The following LRRTM4 variants were observed in gnomAD, a reference collection of about 807,000 sequenced individuals.
LRRTM4 encodes the protein leucine-rich repeat transmembrane neuronal protein 4.
In LRRTM4, 25 loss-of-function variants were observed where a neutral mutation model predicts 47.6. The observed-to-expected ratio is 0.53, with a 90% CI of 0.38 to 0.73. The LOEUF (loss-of-function observed/expected upper bound fraction) is 0.73. Among genes scored for constraint, LRRTM4 ranks in the 30% least tolerant of loss-of-function variants. LRRTM4 has a pLI of 0.00. For missense variants in LRRTM4, 638 were observed against 713.4 expected, an observed-to-expected ratio of 0.89 and a Z score of 1.20; for synonymous variants, 311 against 269.5, an observed-to-expected ratio of 1.15 and a Z score of -1.51.
chr2:76,775,914 C>A (rs142101196), intron 3 of LRRTM4, among the ~76,000 whole-genome samples: 1 of 151,170 alleles, frequency 6.6e-6, no homozygotes, highest in South Asian at 2.1e-4. Flanking sequence ...CGCCTCCCCC[C>A]ACCCCACAAC....
intron 3 of LRRTM4, among the ~76,000 whole-genome samples, chr2:77,079,700 G>A (rs959835340): frequency 6.6e-6 from 1 of 152,030 alleles, no homozygotes; most frequent in African/African-American, 2.4e-5. Flanking sequence ...TCTGATTCCT[G>A]ATCTTCCTGT....
At chr2:77,391,941 C>A (rs1314927977) in intron 3 of LRRTM4, among the ~76,000 whole-genome samples, 1 of 151,958 alleles carries the variant, frequency 6.6e-6, no homozygotes, top group Non-Finnish European at 1.5e-5. Flanking sequence ...ATAACAGACC[C>A]TAAAAAGAGA....
At chr2:77,454,553 G>T (rs905626138) in intron 3 of LRRTM4, among the ~76,000 whole-genome samples, 4 of 152,040 alleles carry the variant, frequency 2.6e-5, no homozygotes, top group African/African-American at 9.6e-5. Context: ...ACAGACTCAG[G>T]TTTAGCGTAA....
At chr2:77,170,636 A>G (rs966391023) in intron 3 of LRRTM4, among the ~76,000 whole-genome samples, 4 of 152,204 alleles carry the variant, frequency 2.6e-5, no homozygotes, top group African/African-American at 7.2e-5. Flanking sequence ...AAGAGAGTTT[A>G]AAGTTATTTC....
At chr2:77,165,377 A>T (rs1455756241) in intron 3 of LRRTM4, among the ~76,000 whole-genome samples, 1 of 152,198 alleles carries the variant, frequency 6.6e-6, no homozygotes, top group Non-Finnish European at 1.5e-5. Context: ...AAATTCTACC[A>T]GAGGTACAAA....
chr2:77,357,735 A>G (rs1248947026), intron 3 of LRRTM4, among the ~76,000 whole-genome samples: 2 of 152,310 alleles, frequency 1.3e-5, no homozygotes, highest in African/African-American at 4.8e-5. Flanking sequence ...ATGACTTTAT[A>G]TATTTTTTAA....
intron 3 of LRRTM4, among the ~76,000 whole-genome samples, chr2:76,920,881 T>C (rs982164357): frequency 6.6e-6 from 1 of 151,992 alleles, no homozygotes; most frequent in Non-Finnish European, 1.5e-5. Context: ...TCTGTTTTCT[T>C]CAATTTAAAC....
chr2:76,894,928 AT>A (rs1673364865), intron 3 of LRRTM4, among the ~76,000 whole-genome samples: 1 of 151,646 alleles, frequency 6.6e-6, no homozygotes, highest in African/African-American at 2.4e-5. Context: ...CTCATTAATA[AT>A]TTATGCATTA....
Position 77,207,372 on chromosome 2 carries a change from T to TACACACACACAC in LRRTM4, c.1551+310945_1551+310946insGTGTGTGTGTGT, listed in dbSNP as rs66858623. 2.3e-5 allele frequency among the ~76,000 whole-genome samples: 3 copies of TACACACACACAC among 131,110 alleles called. No individual in the cohort carries two copies. The East Asian group carries it at 8.1e-4, about 35-fold the overall frequency. The allele number at this position is 131,110 out of a possible 152,430, so 86.0% of individuals were successfully genotyped here. On this transcript the variant is annotated intron_variant, in intron 3 of 3. Transcript: ENST00000409884. ...GTGTATATATATATATATATATATA[T>TACACACACACAC]ACACACACACATATTTATATACACA...
intron 3 of LRRTM4, among the ~76,000 whole-genome samples, chr2:76,878,122 T>G (rs948719674): frequency 1.3e-5 from 2 of 152,216 alleles, no homozygotes; most frequent in African/African-American, 4.8e-5. Flanking sequence ...AATTTTTCAT[T>G]GTTATTATAT....
intron 3 of LRRTM4, among the ~76,000 whole-genome samples, chr2:77,069,664 C>G (rs1016213711): frequency 6.6e-6 from 1 of 152,014 alleles, no homozygotes; most frequent in Non-Finnish European, 1.5e-5. Flanking sequence ...TTGCCTTAGC[C>G]TTTCCTTCCT....
chr2:77,396,336 G>C (rs1673703029), intron 3 of LRRTM4, among the ~76,000 whole-genome samples: 1 of 151,630 alleles, frequency 6.6e-6, no homozygotes, highest in Admixed American at 6.6e-5. Context: ...TCCCCTCAAG[G>C]CATTCATCAT....
At chr2:77,485,305 G>T (rs1677867014) in intron 3 of LRRTM4, among the ~76,000 whole-genome samples, 1 of 152,042 alleles carries the variant, frequency 6.6e-6, no homozygotes. Flanking sequence ...AACATGAGAA[G>T]GCATCACAAA....
chr2:77,394,959 G>A (rs1260204247), intron 3 of LRRTM4, among the ~76,000 whole-genome samples: 1 of 151,888 alleles, frequency 6.6e-6, no homozygotes, highest in African/African-American at 2.4e-5. Context: ...AGCTCAAGTT[G>A]TCTTAATTTG....
chr2:77,393,243 A>G (rs1673574044), intron 3 of LRRTM4, among the ~76,000 whole-genome samples: 1 of 152,044 alleles, frequency 6.6e-6, no homozygotes. Context: ...ACAAAAACAC[A>G]TGGTTATATT....
chr2:76,936,665 A>G (rs1340482008), intron 3 of LRRTM4, among the ~76,000 whole-genome samples: 1 of 151,418 alleles, frequency 6.6e-6, no homozygotes, highest in Non-Finnish European at 1.5e-5. Flanking sequence ...TCATTCAAAG[A>G]TCCACCTGGC....
Position 77,077,233 on chromosome 2 carries a change from T to C in LRRTM4, c.1552-328317A>G, listed in dbSNP as rs373446388. Among the ~76,000 whole-genome samples the C allele has an allele frequency of 1.1e-4, 16 of 152,290 alleles. No individual in the cohort carries two copies. In the East Asian group the frequency reaches 2.5e-3, roughly 24 times the overall value. On this transcript the variant is annotated intron_variant, in intron 3 of 3. Coordinates refer to ENST00000409884, the MANE Select transcript of LRRTM4 (RefSeq NM_001134745.3). ...ATCATTTTATCACTTAAAACAGAAGTATCAGTAAATTGTGCCATAGATATC... is the reference window on the plus strand; with the variant it reads ...ATCATTTTATCACTTAAAACAGAAGCATCAGTAAATTGTGCCATAGATATC...
chr2:76,953,847 A>T (rs1244914825), intron 3 of LRRTM4, among the ~76,000 whole-genome samples: 1 of 151,938 alleles, frequency 6.6e-6, no homozygotes, highest in Non-Finnish European at 1.5e-5. Flanking sequence ...GGGAGCTGGC[A>T]TAATTTGTAT....
At chr2:77,451,496 T>C (rs1197082697) in intron 3 of LRRTM4, among the ~76,000 whole-genome samples, 1 of 152,198 alleles carries the variant, frequency 6.6e-6, no homozygotes, top group Non-Finnish European at 1.5e-5. Context: ...CTGTCTCATT[T>C]TGGATGTGTG....
Sources: gnomAD v4.1 joint callset for allele counts (sites outside exome capture counted in the v4.1 genomes callset) on GRCh38, gnomAD v4.1.1 for gene constraint, MANE v1.5 for transcripts, NCBI Gene and HGNC (gene_info 2026-07-23, HGNC 2026-07-21) for gene names.